The following TENM1 variants were observed in gnomAD, a reference collection of about 807,000 sequenced individuals.
The protein encoded by TENM1 is teneurin-1.
TENM1 carries 35 observed loss-of-function variants against 174.8 expected under a neutral mutation model. The observed-to-expected ratio is 0.20, with a 90% confidence interval of 0.15 to 0.27. TENM1 has a LOEUF of 0.27. TENM1 is among the 10% of genes least tolerant of loss of function. The probability of loss-of-function intolerance (pLI) is 1.00; values close to 1 mark genes in which losing one functional copy is unlikely to be tolerated. For synonymous variants in TENM1, 781 were observed against 798.7 expected, an observed-to-expected ratio of 0.98 and a Z score of 0.37; for missense variants, 1,633 against 2,130.1, an observed-to-expected ratio of 0.77 and a Z score of 4.59.
chrX:124,726,600 C>G (rs1176624115), intron 4 of TENM1, among the ~76,000 whole-genome samples: 1 of 111,808 alleles, frequency 8.9e-6, no homozygotes, highest in Non-Finnish European at 1.9e-5. Flanking sequence ...TTTTTGCTAA[C>G]CTCCGTGCTG....
At chrX:124,841,431 G>A (rs745591077) in intron 3 of TENM1, among the ~76,000 whole-genome samples, 3 of 111,342 alleles carry the variant, frequency 2.7e-5, no homozygotes, top group African/African-American at 9.8e-5. Context: ...TCCTCGGCAT[G>A]CAACATGTGT....
At chrX:125,126,616 T>A in the TENM1 span, among the ~76,000 whole-genome samples, 1 of 111,213 alleles carries the variant, frequency 9.0e-6, no homozygotes, top group Admixed American at 9.6e-5. Context: ...TGCTTCCAAT[T>A]TGAAGGCACC....
At chrX:124,802,317 T>C (rs1192140739) in intron 3 of TENM1, among the ~76,000 whole-genome samples, 2 of 111,939 alleles carry the variant, frequency 1.8e-5, no homozygotes, top group Non-Finnish European at 3.8e-5. Context: ...TTTGGTGCTC[T>C]TGTTGTTGCT....
intron 4 of TENM1, among the ~76,000 whole-genome samples, chrX:124,729,559 A>T (rs1368329682): frequency 8.9e-6 from 1 of 112,164 alleles, no homozygotes; most frequent in Non-Finnish European, 1.9e-5. Context: ...GGTTGCAAAA[A>T]ACACCCTGCC....
intron 6 of TENM1, among the ~76,000 whole-genome samples, chrX:124,664,611 T>C (rs41353845): frequency 0.031 from 2,835 of 92,291 alleles, 106 homozygotes; most frequent in African/African-American, 0.11. Context: ...AGGTCCACAA[T>C]GAAAGGTGGC....
exon 29 of TENM1, chrX:124,385,816 G>A (rs765753991): frequency 6.6e-6 from 8 of 1,209,924 alleles, no homozygotes; most frequent in African/African-American, 1.7e-5. Context: ...CTTGCTTGGT[G>A]TACTTGTATA....
chrX:124,986,008 A>G, the TENM1 span, among the ~76,000 whole-genome samples: 1 of 112,049 alleles, frequency 8.9e-6, no homozygotes, highest in Non-Finnish European at 1.9e-5. Context: ...GTTAGAAAGA[A>G]TGGTGTACAA....
Position 124,563,810 on chromosome X carries a change from TG to T in TENM1, c.2264-39del, listed in dbSNP as rs1230954828. ...GGAAAAGAGTGATCAAATGAATTTC[TG>T]AGAGACTAAAGCTATACAATATGTA... On this transcript the variant is annotated intron_variant, in intron 12 of 31. Coordinates refer to ENST00000422452, the Ensembl canonical transcript of TENM1. 1.5e-5 allele frequency: 17 copies of T among 1,154,558 alleles called. No homozygotes were observed. The Admixed American group carries it at 3.8e-4, about 26-fold the overall frequency.
At chrX:124,541,243 T>A (rs904670183) in intron 15 of TENM1, among the ~76,000 whole-genome samples, 6 of 111,598 alleles carry the variant, frequency 5.4e-5, no homozygotes, top group Non-Finnish European at 9.4e-5. Context: ...ATAGTTTGTA[T>A]GTTTGTCCCC....
intron 1 of TENM1, among the ~76,000 whole-genome samples, chrX:124,951,169 A>C (rs758043232): frequency 8.9e-6 from 1 of 112,114 alleles, no homozygotes; most frequent in Admixed American, 9.5e-5. Flanking sequence ...AATAAAAAAA[A>C]CCACAGAATA....
intron 3 of TENM1, among the ~76,000 whole-genome samples, chrX:124,886,522 CATAT>C (rs3056632): frequency 0.024 from 1,775 of 74,864 alleles, 35 homozygotes; most frequent in South Asian, 0.078. Flanking sequence ...AAAACATATA[CATAT>C]ATATATATAT....
At chrX:124,894,452 C>A (rs1008278149) in intron 2 of TENM1, 100 bp from the exon 6 acceptor site, 9 of 563,489 alleles carry the variant, frequency 1.6e-5, no homozygotes, top group Non-Finnish European at 2.6e-5. Context: ...TTAAAAAAAA[C>A]CCAGCTTTAT....
chrX:125,182,462 G>GTT, the TENM1 span, among the ~76,000 whole-genome samples: 1 of 77,408 alleles, frequency 1.3e-5, no homozygotes, highest in Non-Finnish European at 2.5e-5. Context: ...GCGGGGGGGG[G>GTT]GGCATTTTTC....
intron 7 of TENM1, among the ~76,000 whole-genome samples, chrX:124,652,526 T>TA (rs1289498869): frequency 1.1e-3 from 123 of 112,183 alleles, no homozygotes; most frequent in African/African-American, 3.7e-3. Flanking sequence ...AATGAATAAA[T>TA]AAAAAACAGA....
chrX:124,422,607 A>G, exon 24 of TENM1: 2 of 1,210,296 alleles, frequency 1.7e-6, no homozygotes, highest in Non-Finnish European at 2.2e-6. Context: ...CATAGGATTT[A>G]CTGCAAGGTC....
intron 8 of TENM1, among the ~76,000 whole-genome samples, chrX:124,650,670 A>T (rs2051283281): frequency 8.9e-6 from 1 of 112,033 alleles, no homozygotes. Flanking sequence ...ACTCCTCGAC[A>T]TGCACATAAT....
chrX:124,946,929 A>G (rs941219792), intron 1 of TENM1, among the ~76,000 whole-genome samples: 3 of 107,750 alleles, frequency 2.8e-5, no homozygotes, highest in Non-Finnish European at 5.8e-5. Context: ...GTAAAACTGA[A>G]AAAAAAAAAA....
the TENM1 span, among the ~76,000 whole-genome samples, chrX:125,052,446 A>T: frequency 9.0e-6 from 1 of 111,682 alleles, no homozygotes; most frequent in Non-Finnish European, 1.9e-5. Flanking sequence ...GAGAAATTTA[A>T]TGTATTTGAT....
chrX:125,022,014 T>A, the TENM1 span, among the ~76,000 whole-genome samples: 2 of 112,268 alleles, frequency 1.8e-5, no homozygotes, highest in Non-Finnish European at 3.8e-5. Flanking sequence ...TTTTATCAAG[T>A]TTTAGAAGAA....
Sources: gnomAD v4.1 joint callset for allele counts (sites outside exome capture counted in the v4.1 genomes callset) on GRCh38, gnomAD v4.1.1 for gene constraint, MANE v1.5 for transcripts, NCBI Gene and HGNC (gene_info 2026-07-23, HGNC 2026-07-21) for gene names.